The following GRID1 variants were observed in gnomAD, a reference collection of about 807,000 sequenced individuals.
The protein encoded by GRID1 is glutamate ionotropic receptor delta type subunit 1, also known as glutamate receptor ionotropic, delta-1.
GRID1 carries 28 observed loss-of-function variants against 98.0 expected under a neutral mutation model. The ratio of observed to expected loss-of-function variants is 0.29; its 90% CI spans 0.21 to 0.39. The LOEUF (loss-of-function observed/expected upper bound fraction) is 0.39. GRID1 is among the 10% of genes least tolerant of loss of function. The pLI, the probability that GRID1 is intolerant of heterozygous loss-of-function variation, is 1.00. For synonymous variants in GRID1, 553 were observed against 538.5 expected, an observed-to-expected ratio of 1.03 and a Z score of -0.37; for missense variants, 1,111 against 1,340.5, an observed-to-expected ratio of 0.83 and a Z score of 2.67.
chr10:85,964,850 A>C (rs1223831883), intron 4 of GRID1, among the ~76,000 whole-genome samples: 1 of 152,202 alleles, frequency 6.6e-6, no homozygotes, highest in Non-Finnish European at 1.5e-5. Context: ...CAGAGTGAAC[A>C]TGTAACCTAC....
At chr10:86,248,361 C>T (rs754813115) in intron 2 of GRID1, among the ~76,000 whole-genome samples, 23 of 152,110 alleles carry the variant, frequency 1.5e-4, no homozygotes, top group Admixed American at 1.2e-3. Context: ...ATCTACAGAA[C>T]CAAATTGGGA....
chr10:85,856,598 G>C (rs955973846), intron 6 of GRID1, among the ~76,000 whole-genome samples: 4 of 152,232 alleles, frequency 2.6e-5, no homozygotes, highest in African/African-American at 9.7e-5. Flanking sequence ...TCAAGAGACA[G>C]GGCCAGGTAC....
intron 2 of GRID1, among the ~76,000 whole-genome samples, chr10:86,326,860 GCGCAATGGTT>G (rs1848057829): frequency 6.6e-6 from 1 of 152,202 alleles, no homozygotes; most frequent in South Asian, 2.1e-4. Flanking sequence ...TTTTGGCCAG[GCGCAATGGTT>G]CGCACCTGTA....
At position 86,134,436 on chromosome 10, in the gene GRID1, G is replaced by C. The variant is rs1844885456; in HGVS notation, c.726+4383C>G. Reference sequence around the variant, plus strand: ...CTCCAGGAAGTTGAGATGAAGCCCAGGGCCAAATGACTGTGGACTGGAGTT... The same window carrying C: ...CTCCAGGAAGTTGAGATGAAGCCCACGGCCAAATGACTGTGGACTGGAGTT... On this transcript the variant is annotated intron_variant, in intron 4 of 15. Coordinates refer to ENST00000327946, the MANE Select transcript of GRID1 (RefSeq NM_017551.3). Among the ~76,000 whole-genome samples the C allele has an allele frequency of 2.0e-5, 3 of 152,310 alleles. No homozygotes were observed. The South Asian group carries it at 6.2e-4, about 32-fold the overall frequency.
At chr10:85,865,965 A>ATATACATATATATG (rs1564613340) in intron 6 of GRID1, among the ~76,000 whole-genome samples, 1 of 83,330 alleles carries the variant, frequency 1.2e-5, no homozygotes, top group African/African-American at 6.1e-5. Flanking sequence ...GGAGAGAGAG[A>ATATACATATATATG]GAGAGAGAGA....
intron 3 of GRID1, among the ~76,000 whole-genome samples, chr10:86,182,953 G>A (rs1025296473): frequency 2.0e-5 from 3 of 152,116 alleles, no homozygotes; most frequent in East Asian, 1.9e-4. Flanking sequence ...AAAAGGCAAC[G>A]GAATTTGTTC....
intron 12 of GRID1, among the ~76,000 whole-genome samples, chr10:85,651,718 G>C (rs1054936276): frequency 2.0e-5 from 3 of 152,104 alleles, no homozygotes; most frequent in Non-Finnish European, 1.5e-5. Context: ...CAGGAAGAAC[G>C]GCCTCAAAAG....
intron 8 of GRID1, among the ~76,000 whole-genome samples, chr10:85,752,079 T>C (rs1193969640): frequency 6.6e-6 from 1 of 152,156 alleles, no homozygotes; most frequent in African/African-American, 2.4e-5. Flanking sequence ...ATAGACAAAC[T>C]GTAGAAAGAG....
In GRID1 at chr10:85,946,004, A is replaced by G. The variant is rs147394036; in HGVS notation, c.727-29765T>C. Among the ~76,000 whole-genome samples, 38 of 151,544 alleles carry G rather than the reference A, an allele frequency of 2.5e-4. 2 individuals are homozygous for G. The East Asian group carries it at 4.8e-3, about 19-fold the overall frequency. ...AAAACATTGAAGGGACAGATAAAAT[A>G]TGTTTAATTTTTAGAAGAGTATCTG... On this transcript the variant is annotated intron_variant, in intron 4 of 15. Coordinates refer to ENST00000327946, the MANE Select transcript of GRID1 (RefSeq NM_017551.3).
At chr10:85,621,567 C>T in intron 13 of GRID1, among the ~76,000 whole-genome samples, 1 of 152,166 alleles carries the variant, frequency 6.6e-6, no homozygotes, top group East Asian at 1.9e-4. Flanking sequence ...TGGGAAGAGC[C>T]TGTTCCCAGA....
chr10:86,052,059 G>A (rs1020148374), intron 4 of GRID1, among the ~76,000 whole-genome samples: 3 of 151,580 alleles, frequency 2.0e-5, no homozygotes, highest in African/African-American at 7.3e-5. Flanking sequence ...TTAGGAAGCT[G>A]GTTAAGTAGG....
chr10:85,860,297 C>A (rs1843152782), intron 6 of GRID1, among the ~76,000 whole-genome samples: 2 of 152,230 alleles, frequency 1.3e-5, no homozygotes, highest in African/African-American at 4.8e-5. Context: ...GACCTAGGAA[C>A]ACTGCAGCAT....
chr10:85,868,267 C>A (rs1323535299), intron 6 of GRID1, among the ~76,000 whole-genome samples: 1 of 152,200 alleles, frequency 6.6e-6, no homozygotes, highest in Non-Finnish European at 1.5e-5. Flanking sequence ...GCACCACATT[C>A]CTAACCTAGA....
At chr10:86,299,790 C>T (rs956172429) in intron 2 of GRID1, among the ~76,000 whole-genome samples, 5 of 152,112 alleles carry the variant, frequency 3.3e-5, no homozygotes, top group African/African-American at 4.8e-5. Flanking sequence ...GACCCTGGTT[C>T]CCACTGACAC....
chr10:86,227,803 C>A (rs1483511120), intron 2 of GRID1, among the ~76,000 whole-genome samples: 2 of 152,180 alleles, frequency 1.3e-5, no homozygotes, highest in African/African-American at 4.8e-5. Flanking sequence ...TGCACCGTTC[C>A]CACCACTAGA....
intron 2 of GRID1, among the ~76,000 whole-genome samples, chr10:86,311,504 C>T (rs117077190): frequency 0.011 from 1,645 of 152,254 alleles, 32 homozygotes; most frequent in South Asian, 0.036. Flanking sequence ...CCCATTTGGG[C>T]CTCTCTAGCC....
chr10:85,899,292 C>T (rs1456230214), intron 5 of GRID1, among the ~76,000 whole-genome samples: 1 of 151,732 alleles, frequency 6.6e-6, no homozygotes, highest in Non-Finnish European at 1.5e-5. Flanking sequence ...AGATAGACCA[C>T]ATTTTCTGTA....
At chr10:85,904,194 G>C (rs1333950133) in intron 5 of GRID1, among the ~76,000 whole-genome samples, 1 of 152,144 alleles carries the variant, frequency 6.6e-6, no homozygotes, top group African/African-American at 2.4e-5. Flanking sequence ...GGAGTAACAG[G>C]GATTGGATTT....
intron 8 of GRID1, among the ~76,000 whole-genome samples, chr10:85,851,678 C>T (rs533328251): frequency 6.6e-6 from 1 of 152,276 alleles, no homozygotes; most frequent in South Asian, 2.1e-4. Context: ...TCATATATGA[C>T]ATATATAATC....
Sources: allele counts gnomAD v4.1 joint callset (sites outside exome capture counted in the v4.1 genomes callset), GRCh38; gene constraint gnomAD v4.1.1; transcripts MANE v1.5; gene names NCBI Gene and HGNC (gene_info 2026-07-23, HGNC 2026-07-21).